The following OAT variants were observed in gnomAD, a reference collection of about 807,000 sequenced individuals.
OAT encodes ornithine aminotransferase, also known as ornithine aminotransferase, mitochondrial.
A neutral mutation model predicts 48.4 loss-of-function variants in OAT; 35 were observed. That is an observed-to-expected ratio of 0.72 (90% confidence interval 0.55 to 0.96). The LOEUF (loss-of-function observed/expected upper bound fraction) is 0.96, where lower values mean the gene tolerates loss of function less well. Among genes scored for constraint, OAT ranks in the 40% least tolerant of loss-of-function variants. The pLI is 0.00. For synonymous variants in OAT, 182 were observed against 198.4 expected, an observed-to-expected ratio of 0.92 and a Z score of 0.70; for missense variants, 438 against 537.9, an observed-to-expected ratio of 0.81 and a Z score of 1.84.
chr10:124,408,178 C>A (rs569520714), intron 4 of OAT, among the ~76,000 whole-genome samples: 1 of 151,596 alleles, frequency 6.6e-6, no homozygotes, highest in African/African-American at 2.4e-5. Context: ...AAACATTCAG[C>A]AAATACGTAT....
At chr10:124,416,973 C>A (rs1295091646) in intron 1 of OAT, among the ~76,000 whole-genome samples, 1 of 151,748 alleles carries the variant, frequency 6.6e-6, no homozygotes, top group Non-Finnish European at 1.5e-5. Flanking sequence ...ACTAGTTTTA[C>A]TACTGAGAAA....
In OAT at chr10:124,418,898, T is replaced by C. The variant is rs1437887273; in HGVS notation, c.-55A>G. The C allele has an allele frequency of 6.6e-6, 1 of 151,788 alleles. No individual in the cohort carries two copies. Among genetic ancestry groups the C allele is most frequent in the East Asian group, 1.9e-4 (1 of 5,146 alleles). The allele number at this position is 151,788 out of a possible 1,614,324, so 9.4% of individuals were successfully genotyped here. The stretch of plus-strand genomic sequence containing the variant: ...CTGACAGCGCCTGAGGACAACCGGG[T>C]ACACGCGGCGTCTATGAAGCGCAAC... On this transcript the variant is annotated 5_prime_UTR_variant, in exon 1 of 10. Transcript: ENST00000368845.
chr10:124,418,789 G>A (rs1042127303), intron 1 of OAT, 84 bp downstream of exon 1: 1 of 152,152 alleles, frequency 6.6e-6, no homozygotes, highest in Non-Finnish European at 1.5e-5. Flanking sequence ...GCCACCCCGC[G>A]CCCGCCCGCC....
rs962152261 is a variant in OAT at position 124,412,266 on chromosome 10, T to C, written c.-29-66A>G. On this transcript the variant is annotated intron_variant, in intron 1 of 9. Coordinates refer to ENST00000368845, the MANE Select transcript of OAT (RefSeq NM_000274.4). The stretch of plus-strand genomic sequence containing the variant: ...TGGCTTATGCCTATAATCTCAGCAC[T>C]TTGGGAGGCTGAGGTCAAAGGATCA... 6.2e-6 allele frequency: 8 copies of C among 1,291,244 alleles called. No individual in the cohort carries two copies. The African/African-American group carries it at 1.0e-4, about 17-fold the overall frequency. The allele number at this position is 1,291,244 out of a possible 1,614,324, so 80.0% of individuals were successfully genotyped here. A position where few individuals can be genotyped will look rare whatever the true frequency, so the allele number is the denominator to read the frequency against.
chr10:124,397,648 G>T lies in OAT; in HGVS notation c.*294C>A, dbSNP rs557428018. ...AAAAACATATATCAATTATACTGAA[G>T]GACTTGATTTAGAGGCTGTCTGTAT... On this transcript the variant is annotated 3_prime_UTR_variant, in exon 10 of 10. Transcript: ENST00000368845. 5 of 330,948 alleles carry T rather than the reference G, an allele frequency of 1.5e-5. No homozygotes were observed. In the South Asian group the frequency reaches 1.8e-4, roughly 12 times the overall value. 20.5% of individuals were successfully genotyped at this position (330,948 alleles called of 1,614,324 possible).
chr10:124,398,138 T>TA, intron 9 of OAT, 36 bp from the exon 10 acceptor site: 1 of 1,610,676 alleles, frequency 6.2e-7, no homozygotes, highest in South Asian at 1.1e-5. Context: ...TGCTCAAAGA[T>TA]AAACGTTTAA....
chr10:124,413,090 G>A (rs1414053485), intron 1 of OAT, among the ~76,000 whole-genome samples: 1 of 152,112 alleles, frequency 6.6e-6, no homozygotes, highest in Non-Finnish European at 1.5e-5. Context: ...GTGAGCCACT[G>A]TGCCCAGCCT....
At chr10:124,400,695 A>C in intron 9 of OAT, 145 bp downstream of exon 9, 1 of 586,042 alleles carries the variant, frequency 1.7e-6, no homozygotes, top group East Asian at 3.4e-5. Context: ...GAGTGCAGTG[A>C]GCCAAGATTG....
chr10:124,405,776 C>T, intron 4 of OAT: 3 of 1,350,432 alleles, frequency 2.2e-6, no homozygotes, highest in Non-Finnish European at 2.9e-6. Context: ...CCTTGTAATT[C>T]CTATTTTAGG....
At chr10:124,399,404 G>A (rs900309402) in intron 9 of OAT, among the ~76,000 whole-genome samples, 2 of 143,288 alleles carry the variant, frequency 1.4e-5, no homozygotes, top group Admixed American at 1.5e-4. Flanking sequence ...GGAGTGCAGC[G>A]GCGCAATCTC....
In OAT at chr10:124,412,114, A is replaced by T. The variant is rs1046309017; in HGVS notation, c.58T>A (p.Ser20Thr). The stretch of plus-strand genomic sequence containing the variant: ...ACAGATGTAGCAGAAGCCACTGAAG[A>T]ATGAACTCCGCGACTAAGTACAGCA... ...RFAVLSRGVH[S>T]SVASATSVAT... Residue 20 changes from serine (S) to threonine (T), a missense_variant, in exon 2 of 10, where the codon TCT (serine) becomes ACT (threonine). Physicochemically the swap from Ser to Thr is moderately conservative, Grantham distance 58. Transcript: ENST00000368845. The T allele has an allele frequency of 1.2e-6, 2 of 1,614,064 alleles. No individual in the cohort carries two copies. The highest frequency in any genetic ancestry group is 2.7e-5 in the African/African-American group (2 of 74,914).
chr10:124,406,616 G>C (rs1564734390), intron 4 of OAT, among the ~76,000 whole-genome samples: 1 of 151,988 alleles, frequency 6.6e-6, no homozygotes, highest in East Asian at 1.9e-4. Context: ...AGGAGTTCAA[G>C]ACCAGCCTGG....
chr10:124,401,898 CT>C, intron 7 of OAT, 59 bp from the exon 8 acceptor site: 10 of 1,263,840 alleles, frequency 7.9e-6, no homozygotes, highest in Non-Finnish European at 5.7e-6. Flanking sequence ...ACTAAGCATC[CT>C]TTTCCCCAGA....
In OAT at chr10:124,412,595, G is replaced by A. The variant is rs145114470; in HGVS notation, c.-29-395C>T. ...CCAAGATGGGAGGATCGCTTGAGCC[G>A]AGGAGTTAAAGACCAGCCTAGGCAA... is the stretch of plus-strand genomic sequence containing the variant. On this transcript the variant is annotated intron_variant, in intron 1 of 9. Transcript: ENST00000368845. Among the ~76,000 whole-genome samples the A allele has an allele frequency of 6.1e-3, 929 of 151,984 alleles. 7 individuals are homozygous for A. Among genetic ancestry groups the A allele is most frequent in the African/African-American group, 0.021 (887 of 41,430 alleles).
intron 4 of OAT, chr10:124,407,022 C>T: frequency 1.0e-6 from 1 of 985,340 alleles, no homozygotes; most frequent in Non-Finnish European, 1.2e-6. Flanking sequence ...TTTATCTTCT[C>T]ACCACTTCTG....
chr10:124,412,297 GC>G, intron 1 of OAT, 97 bp from the exon 2 acceptor site: 1 of 927,406 alleles, frequency 1.1e-6, no homozygotes, highest in Non-Finnish European at 1.7e-6. Flanking sequence ...GATCACGTGA[GC>G]CCAGGAGTTT....
chr10:124,405,387 T>C, intron 5 of OAT, 49 bp downstream of exon 5: 1 of 1,610,206 alleles, frequency 6.2e-7, no homozygotes, highest in Non-Finnish European at 8.5e-7. Flanking sequence ...ATTCAACAGC[T>C]TTAATTTCTA....
At chr10:124,400,512 T>C (rs1951375766) in intron 9 of OAT, among the ~76,000 whole-genome samples, 1 of 150,936 alleles carries the variant, frequency 6.6e-6, no homozygotes, top group South Asian at 2.1e-4. Flanking sequence ...CCCAACACTT[T>C]GGGAGGCCAA....
intron 4 of OAT, chr10:124,407,020 C>T: frequency 1.0e-6 from 1 of 985,384 alleles, no homozygotes; most frequent in African/African-American, 1.7e-5. Flanking sequence ...TTTTTATCTT[C>T]TCACCACTTC....
Sources: gnomAD v4.1 joint callset for allele counts (sites outside exome capture counted in the v4.1 genomes callset) on GRCh38, gnomAD v4.1.1 for gene constraint, MANE v1.5 for transcripts, NCBI Gene and HGNC (gene_info 2026-07-23, HGNC 2026-07-21) for gene names.